SANBR: variants seen among roughly 807,000 people sequenced by gnomAD.
SANBR encodes the protein SANT and BTB domain regulator of class switch recombination.
SANBR carries 77 observed loss-of-function variants against 101.8 expected under a neutral mutation model. That is an observed-to-expected ratio of 0.76 (90% CI 0.63 to 0.91). The LOEUF (loss-of-function observed/expected upper bound fraction) is 0.91. Among genes scored for constraint, SANBR ranks in the 40% least tolerant of loss-of-function variants. The pLI, the probability that SANBR is intolerant of heterozygous loss-of-function variation, is 0.00. For synonymous variants in SANBR, 279 were observed against 274.7 expected (o/e 1.02, Z -0.15); for missense variants, 875 against 853.0 (o/e 1.03, Z -0.32).
At chr2:61,113,640 C>T (rs2104954269) in intron 16 of SANBR, among the ~76,000 whole-genome samples, 1 of 152,198 alleles carries the variant, frequency 6.6e-6, no homozygotes, top group Non-Finnish European at 1.5e-5. Context: ...GGTCAAAATA[C>T]AATTGATGTT....
chr2:61,100,175 G>A (rs776593650), intron 12 of SANBR, among the ~76,000 whole-genome samples: 5 of 152,218 alleles, frequency 3.3e-5, no homozygotes, highest in Non-Finnish European at 7.3e-5. Flanking sequence ...CACGATCTCA[G>A]CTCACTGCAA....
intron 6 of SANBR, among the ~76,000 whole-genome samples, chr2:61,078,842 C>T (rs1681934092): frequency 6.6e-6 from 1 of 151,708 alleles, no homozygotes; most frequent in South Asian, 2.1e-4. Context: ...AGTTGGAGAC[C>T]AGCCTGGCCA....
chr2:61,091,468 C>T (rs2104900722), intron 10 of SANBR, among the ~76,000 whole-genome samples: 1 of 152,182 alleles, frequency 6.6e-6, no homozygotes, highest in South Asian at 2.1e-4. Flanking sequence ...GTGGCATGCA[C>T]CTGTAATTCC....
intron 6 of SANBR, among the ~76,000 whole-genome samples, chr2:61,077,374 T>C (rs960388998): frequency 6.6e-6 from 1 of 152,216 alleles, no homozygotes; most frequent in Non-Finnish European, 1.5e-5. Context: ...GTTCCCAATG[T>C]ATGGTGTATG....
At chr2:61,118,407 A>T (rs1476222827) in intron 20 of SANBR, among the ~76,000 whole-genome samples, 3 of 151,170 alleles carry the variant, frequency 2.0e-5, no homozygotes, top group Non-Finnish European at 2.9e-5. Flanking sequence ...TGCGCAGCTG[A>T]TTTTTTTGTA....
At chr2:61,096,734 C>T (rs1326369900) in intron 11 of SANBR, among the ~76,000 whole-genome samples, 1 of 152,088 alleles carries the variant, frequency 6.6e-6, no homozygotes, top group African/African-American at 2.4e-5. Flanking sequence ...AACTTATAAA[C>T]AATTGAAACC....
chr2:61,110,971 C>T (rs1683802587), intron 16 of SANBR, among the ~76,000 whole-genome samples: 1 of 152,212 alleles, frequency 6.6e-6, no homozygotes, highest in Admixed American at 6.5e-5. Context: ...TTATTAGACA[C>T]AAAAACCTGA....
At chr2:61,074,764 T>C (rs572956182) in intron 5 of SANBR, among the ~76,000 whole-genome samples, 2 of 152,240 alleles carry the variant, frequency 1.3e-5, no homozygotes, top group Admixed American at 1.3e-4. Context: ...TTGCCAAAAA[T>C]TTTTTACTGA....
rs774634692 is a variant in SANBR, at chr2:61,088,522, T to A, written c.1088+54T>A. On this transcript the variant is annotated intron_variant, in intron 10 of 21. Coordinates refer to ENST00000402291, the MANE Select transcript of SANBR (RefSeq NM_001129993.3). ...ATTTTTGTATATATATATATATAGT[T>A]GTTGTTGTTGTTTTGGAGACGGAGT... 29 of 992,614 alleles carry A rather than the reference T, an allele frequency of 2.9e-5. No homozygotes were observed. In the African/African-American group the frequency reaches 3.8e-4, roughly 13 times the overall value. The allele number at this position is 992,614 out of a possible 1,614,324, so 61.5% of individuals were successfully genotyped here. A position where few individuals can be genotyped will look rare whatever the true frequency, so the allele number is the denominator to read the frequency against.
At chr2:61,112,280 GTAGA>G (rs1454013525) in intron 16 of SANBR, among the ~76,000 whole-genome samples, 3 of 152,094 alleles carry the variant, frequency 2.0e-5, no homozygotes, top group Non-Finnish European at 1.5e-5. Context: ...ATTCTAGTGG[GTAGA>G]TAGTGTTAAG....
At chr2:61,134,230 T>C (rs1684777503) in exon 21 of SANBR, 1 of 1,597,214 alleles carries the variant, frequency 6.3e-7, no homozygotes, top group Non-Finnish European at 8.5e-7. Context: ...GTTGCTGTGT[T>C]AAACGAATTA....
chr2:61,092,557 C>T lies in SANBR; in HGVS notation c.1182C>T (p.Ile394=). 6.3e-7 allele frequency: 1 copy of T among 1,599,114 alleles called. No individual in the cohort carries two copies. The highest frequency in any genetic ancestry group is 8.5e-7 in the Non-Finnish European group (1 of 1,174,738). ...TATACTGGCGATTGTGGGGAACAATCAATTGGCTGACTTGTTCAAGATGTT... is the reference window on the plus strand; with the variant it reads ...TATACTGGCGATTGTGGGGAACAATTAATTGGCTGACTTGTTCAAGATGTT... The part of the protein sequence containing the change: ...RDVYWRLWGT[I]NWLTCSRCYQ... Residue 394 remains isoleucine, a synonymous_variant, in exon 11 of 22, where the codon ATC becomes ATT. Coordinates refer to ENST00000402291, the MANE Select transcript of SANBR (RefSeq NM_001129993.3).
intron 17 of SANBR, 124 bp from the exon 18 acceptor site, chr2:61,117,233 A>G: frequency 3.5e-6 from 3 of 861,900 alleles, no homozygotes; most frequent in Admixed American, 3.9e-5. Context: ...ATGAAATAGC[A>G]CTTGTAATGC....
At chr2:61,102,605 T>C (rs1683343233) in intron 12 of SANBR, among the ~76,000 whole-genome samples, 1 of 151,912 alleles carries the variant, frequency 6.6e-6, no homozygotes, top group South Asian at 2.1e-4. Flanking sequence ...TGGCACCATG[T>C]TGGCTCACTG....
rs1196404952 is a variant in SANBR, at chr2:61,122,392, T to G, written c.*230T>G. The stretch of plus-strand genomic sequence containing the variant: ...TTTCTTCTAATATCATTCTAGGCTA[T>G]GTAGAAAGCAATTATTTACAAATTT... On this transcript the variant is annotated 3_prime_UTR_variant, in exon 22 of 22. Transcript: ENST00000402291. 20 of 1,208,752 alleles carry G rather than the reference T, an allele frequency of 1.7e-5. No individual in the cohort carries two copies. Among genetic ancestry groups the G allele is most frequent in the Non-Finnish European group, 1.9e-5 (18 of 965,816 alleles). The allele number at this position is 1,208,752 out of a possible 1,614,324, so 74.9% of individuals were successfully genotyped here.
At chr2:61,130,799 T>C (rs1330823926) in intron 20 of SANBR, among the ~76,000 whole-genome samples, 1 of 150,614 alleles carries the variant, frequency 6.6e-6, no homozygotes, top group East Asian at 1.9e-4. Flanking sequence ...ATACAAAAAT[T>C]AGGAGTGGTG....
At chr2:61,115,838 A>G (rs1472753009) in intron 16 of SANBR, 141 bp from the exon 17 acceptor site, 2 of 541,868 alleles carry the variant, frequency 3.7e-6, no homozygotes, top group Non-Finnish European at 6.6e-6. Flanking sequence ...GCTTCATGGT[A>G]TATTTGCTTT....
At chr2:61,080,978 A>AG (rs1682092881) in intron 6 of SANBR, among the ~76,000 whole-genome samples, 1 of 152,138 alleles carries the variant, frequency 6.6e-6, no homozygotes, top group Admixed American at 6.5e-5. Context: ...TTATGCCTTT[A>AG]GGAAGTAAGT....
intron 4 of SANBR, among the ~76,000 whole-genome samples, 187 bp downstream of exon 4, chr2:61,071,979 C>G (rs992365882): frequency 6.6e-6 from 1 of 152,044 alleles, no homozygotes; most frequent in African/African-American, 2.4e-5. Flanking sequence ...GTTCTGTTGC[C>G]CAGGCTGGAG....
Sources: gnomAD v4.1 joint callset for allele counts (sites outside exome capture counted in the v4.1 genomes callset) on GRCh38, gnomAD v4.1.1 for gene constraint, MANE v1.5 for transcripts, NCBI Gene and HGNC (gene_info 2026-07-23, HGNC 2026-07-21) for gene names.